PCDHGC4: variants seen among roughly 807,000 people sequenced by gnomAD.
PCDHGC4 encodes protocadherin gamma subfamily C, 4.
Under a neutral mutation model 59.7 loss-of-function variants are expected in PCDHGC4, and 15 were observed. The ratio of observed to expected loss-of-function variants is 0.25; its 90% CI spans 0.17 to 0.39. The LOEUF is 0.39. PCDHGC4 is among the 10% of genes least tolerant of loss of function. The pLI is 1.00. For synonymous variants in PCDHGC4, 434 were observed against 481.4 expected (o/e 0.90, Z 1.29); for missense variants, 1,016 against 1,189.5 (o/e 0.85, Z 2.15).
rs13436436 is a variant in PCDHGC4 at position 141,494,301 on chromosome 5, G to C, written c.2443-506G>C. Among the ~76,000 whole-genome samples, 1,119 of 152,302 alleles carry C rather than the reference G, an allele frequency of 7.3e-3. 11 individuals carry two copies. The highest frequency in any genetic ancestry group is 0.026 in the African/African-American group (1,077 of 41,560). Reference sequence around the variant, plus strand: ...CCAGAGAAGATGTCCCTGTGAATGTGTCACTGCACAACCTGGCACCAAAAG... The same window carrying C: ...CCAGAGAAGATGTCCCTGTGAATGTCTCACTGCACAACCTGGCACCAAAAG... On this transcript the variant is annotated intron_variant, in intron 1 of 3. Coordinates refer to ENST00000306593, the MANE Select transcript of PCDHGC4 (RefSeq NM_018928.3).
chr5:141,490,080 T>A lies in PCDHGC4; in HGVS notation c.2442+2465T>A, dbSNP rs2099695881. On this transcript the variant is annotated intron_variant, in intron 1 of 3. Coordinates refer to ENST00000306593, the MANE Select transcript of PCDHGC4 (RefSeq NM_018928.3). The surrounding 1 kb of genome is among the most constrained non-coding windows in gnomAD (Gnocchi z 5.4). ...GCACCAACGGCCAACTAGACTATTCTTTTGGAGACCACACATCTGAGGCAG... is the reference window on the plus strand; with the variant it reads ...GCACCAACGGCCAACTAGACTATTCATTTGGAGACCACACATCTGAGGCAG... The A allele has an allele frequency of 6.2e-7, 1 of 1,614,246 alleles. No homozygotes were observed. The highest frequency in any genetic ancestry group is 2.2e-5 in the East Asian group (1 of 44,884).
At position 141,485,800 on chromosome 5, in the gene PCDHGC4, C is replaced by T. The variant is rs1231777430; in HGVS notation, c.627C>T (p.Arg209=). The change falls in exon 1 of 4, where the codon CGC becomes CGT. Residue 209 remains arginine, a synonymous_variant. Coordinates refer to ENST00000306593, the MANE Select transcript of PCDHGC4 (RefSeq NM_018928.3). This position sits in a 1 kb window ranked among gnomAD's most constrained non-coding sequence, Gnocchi z 5.7. The part of the protein sequence containing the change: ...PLDREKQSDY[R]LVLTAVDGGN... The stretch of plus-strand genomic sequence containing the variant: ...ATCGAGAGAAGCAATCGGACTACCG[C>T]CTGGTGCTGACTGCTGTCGATGGAG... 1 of 1,614,228 alleles carries T rather than the reference C, an allele frequency of 6.2e-7. No homozygotes were observed. Among genetic ancestry groups the T allele is most frequent in the East Asian group, 2.2e-5 (1 of 44,878 alleles).
At chr5:141,508,604 A>G (rs2099870124) in intron 3 of PCDHGC4, among the ~76,000 whole-genome samples, 1 of 152,150 alleles carries the variant, frequency 6.6e-6, no homozygotes, top group African/African-American at 2.4e-5. Flanking sequence ...TCTTGGGTGC[A>G]CATAGGACGT....
At chr5:141,507,003 G>A (rs569257489) in intron 3 of PCDHGC4, 3 of 152,342 alleles carry the variant, frequency 2.0e-5, no homozygotes, top group African/African-American at 7.2e-5. Context: ...CGACAGATGA[G>A]AGAACCGAGA....
Position 141,491,244 on chromosome 5 carries a change from T to A in PCDHGC4, c.2443-3563T>A. 1 of 1,614,210 alleles carries A rather than the reference T, an allele frequency of 6.2e-7. No individual in the cohort carries two copies. Among genetic ancestry groups the A allele is most frequent in the Non-Finnish European group, 8.5e-7 (1 of 1,180,024 alleles). On this transcript the variant is annotated intron_variant, in intron 1 of 3. Coordinates refer to ENST00000306593, the MANE Select transcript of PCDHGC4 (RefSeq NM_018928.3). This position sits in a 1 kb window ranked among gnomAD's most constrained non-coding sequence, Gnocchi z 6.9. ...CCACAGTGCTGCTGGTTCTGGAGGA[T>A]GAGGACCCTGAGGAAATGCCCAAAT...
chr5:141,490,200 A>G lies in PCDHGC4; in HGVS notation c.2442+2585A>G. 6.2e-6 allele frequency: 10 copies of G among 1,614,198 alleles called. No homozygotes were observed. The highest frequency in any genetic ancestry group is 8.5e-6 in the Non-Finnish European group (10 of 1,180,032). ...AGTCACGTTTCTATGAAATTCATGC[A>G]AGAGCCCGTGACCAGGGACAGCCTG... On this transcript the variant is annotated intron_variant, in intron 1 of 3. Coordinates refer to ENST00000306593, the MANE Select transcript of PCDHGC4 (RefSeq NM_018928.3). The surrounding 1 kb of genome is among the most constrained non-coding windows in gnomAD (Gnocchi z 5.4).
rs761905572 is a variant in PCDHGC4 at position 141,486,493 on chromosome 5, T to A, written c.1320T>A (p.Thr440=). The A allele has an allele frequency of 2.5e-6, 4 of 1,614,136 alleles. No homozygotes were observed. The highest frequency in any genetic ancestry group is 1.7e-4 in the Middle Eastern group (1 of 6,060). The change falls in exon 1 of 4, where the codon ACT becomes ACA. Residue 440 remains threonine, a synonymous_variant. Transcript: ENST00000306593. This position sits in a 1 kb window ranked among gnomAD's most constrained non-coding sequence, Gnocchi z 5.0. ...ACCCTCCTCTCAGTACCCACAGAAC[T>A]ATTTTCCTCAATATTTCAGATGTGA... is the stretch of plus-strand genomic sequence containing the variant. ...AGNPPLSTHR[T]IFLNISDVND... is the part of the protein sequence containing the mutation.
In PCDHGC4 at chr5:141,489,493, G is replaced by C. The variant is rs1485293604; in HGVS notation, c.2442+1878G>C. 3 of 1,614,078 alleles carry C rather than the reference G, an allele frequency of 1.9e-6. No homozygotes were observed. The South Asian group carries it at 3.3e-5, about 18-fold the overall frequency. On this transcript the variant is annotated intron_variant, in intron 1 of 3. Coordinates refer to ENST00000306593, the MANE Select transcript of PCDHGC4 (RefSeq NM_018928.3). This position sits in a 1 kb window ranked among gnomAD's most constrained non-coding sequence, Gnocchi z 4.5. Reference sequence around the variant, plus strand: ...CCTGAGCTTGATGAGTGGTGCCCTGGCAGTGAATCAAAAGATTGACCGAGA... The same window carrying C: ...CCTGAGCTTGATGAGTGGTGCCCTGCCAGTGAATCAAAAGATTGACCGAGA...
chr5:141,485,387 C>T lies in PCDHGC4; in HGVS notation c.214C>T (p.Gln72Ter). The T allele has an allele frequency of 6.2e-7, 1 of 1,614,078 alleles. No homozygotes were observed. Among genetic ancestry groups the T allele is most frequent in the Non-Finnish European group, 8.5e-7 (1 of 1,179,994 alleles). The change falls in exon 1 of 4, where the codon CAA becomes TAA. Residue 72 changes from glutamine to a stop codon, truncating the protein, a stop_gained. Coordinates refer to ENST00000306593, the MANE Select transcript of PCDHGC4 (RefSeq NM_018928.3). LOFTEE classifies it high-confidence loss of function. This position sits in a 1 kb window ranked among gnomAD's most constrained non-coding sequence, Gnocchi z 5.7. ...RRLQVAGEVN[Q>*]RHFRVDLDSG... ...GCTGCAGGTCGCTGGAGAGGTGAAC[C>T]AAAGACACTTCCGTGTGGATTTGGA...
At chr5:141,497,203 G>C (rs750138875) in intron 2 of PCDHGC4, among the ~76,000 whole-genome samples, 3 of 91,718 alleles carry the variant, frequency 3.3e-5, no homozygotes, top group African/African-American at 2.8e-4. Flanking sequence ...AACAATGTGA[G>C]TGTAATGGGG....
At position 141,489,481 on chromosome 5, in the gene PCDHGC4, A is replaced by C; in HGVS notation, c.2442+1866A>C. 6.2e-7 allele frequency: 1 copy of C among 1,614,040 alleles called. No homozygotes were observed. The highest frequency in any genetic ancestry group is 8.5e-7 in the Non-Finnish European group (1 of 1,180,004). ...GCGCTATTTTTCCCTGAGCTTGATG[A>C]GTGGTGCCCTGGCAGTGAATCAAAA... is the stretch of plus-strand genomic sequence containing the variant. On this transcript the variant is annotated intron_variant, in intron 1 of 3. Transcript: ENST00000306593. The surrounding 1 kb of genome is among the most constrained non-coding windows in gnomAD (Gnocchi z 4.5).
At chr5:141,495,800 C>T (rs1351461035) in intron 2 of PCDHGC4, among the ~76,000 whole-genome samples, 5 of 152,134 alleles carry the variant, frequency 3.3e-5, no homozygotes, top group Non-Finnish European at 7.3e-5. Context: ...CTCCTTTCAC[C>T]GTTTCCTAGC....
Position 141,489,767 on chromosome 5 carries a change from G to T in PCDHGC4, c.2442+2152G>T, listed in dbSNP as rs2099691977. On this transcript the variant is annotated intron_variant, in intron 1 of 3. Transcript: ENST00000306593. This position sits in a 1 kb window ranked among gnomAD's most constrained non-coding sequence, Gnocchi z 4.5. ...AGCTTTTACACTCTAAGCCCCAACA[G>T]CCACTTCTCTCTGAATGTGAAGACC... The T allele has an allele frequency of 6.2e-7, 1 of 1,614,028 alleles. No homozygotes were observed. Among genetic ancestry groups the T allele is most frequent in the African/African-American group, 1.3e-5 (1 of 74,938 alleles).
intron 1 of PCDHGC4, among the ~76,000 whole-genome samples, chr5:141,494,113 C>G (rs2099751999): frequency 6.6e-6 from 1 of 152,214 alleles, no homozygotes; most frequent in Non-Finnish European, 1.5e-5. Flanking sequence ...TCAGACAGAG[C>G]AGCCTTGTTC....
chr5:141,487,006 G>A lies in PCDHGC4; in HGVS notation c.1833G>A (p.Leu611=). ...ATGCTTGGGTTTCCTATCAGCTCCT[G>A]GAGGCCCCAGATCCCAGCCTGTTTG... ...GYNAWVSYQL[L]EAPDPSLFAV... Residue 611 remains leucine (L), a synonymous_variant, in exon 1 of 4, where the codon CTG becomes CTA. Transcript: ENST00000306593. This position sits in a 1 kb window ranked among gnomAD's most constrained non-coding sequence, Gnocchi z 5.0. 1 of 1,614,206 alleles carries A rather than the reference G, an allele frequency of 6.2e-7. No homozygotes were observed. The highest frequency in any genetic ancestry group is 8.5e-7 in the Non-Finnish European group (1 of 1,180,042).
intron 2 of PCDHGC4, among the ~76,000 whole-genome samples, chr5:141,504,748 T>A (rs979724181): frequency 7.2e-5 from 11 of 151,880 alleles, no homozygotes; most frequent in Non-Finnish European, 1.3e-4. Context: ...CCATTGAATT[T>A]TAGAAATTTC....
chr5:141,506,017 C>G (rs2099850061), intron 3 of PCDHGC4, among the ~76,000 whole-genome samples: 1 of 152,176 alleles, frequency 6.6e-6, no homozygotes, highest in Non-Finnish European at 1.5e-5. Flanking sequence ...TTTGCTGCCC[C>G]TAACTCCAGA....
chr5:141,489,253 A>T lies in PCDHGC4; in HGVS notation c.2442+1638A>T. 1 of 1,547,506 alleles carries T rather than the reference A, an allele frequency of 6.5e-7. No individual in the cohort carries two copies. The highest frequency in any genetic ancestry group is 2.3e-5 in the East Asian group (1 of 44,418). ...GGACTTCTGGGTCATGGGGCCCAAG[A>T]CACTCCCACAGCTCGCTGGGAAATG... On this transcript the variant is annotated intron_variant, in intron 1 of 3. Coordinates refer to ENST00000306593, the MANE Select transcript of PCDHGC4 (RefSeq NM_018928.3). This position sits in a 1 kb window ranked among gnomAD's most constrained non-coding sequence, Gnocchi z 4.5.
Position 141,511,344 on chromosome 5 carries a change from T to G in PCDHGC4, c.*171T>G, listed in dbSNP as rs2099883730. 3 of 1,419,052 alleles carry G rather than the reference T, an allele frequency of 2.1e-6. No homozygotes were observed. Among genetic ancestry groups the G allele is most frequent in the Non-Finnish European group, 2.8e-6 (3 of 1,067,404 alleles). 87.9% of individuals were successfully genotyped at this position (1,419,052 alleles called of 1,614,324 possible). On this transcript the variant is annotated 3_prime_UTR_variant, in exon 4 of 4. Coordinates refer to ENST00000306593, the MANE Select transcript of PCDHGC4 (RefSeq NM_018928.3). The stretch of plus-strand genomic sequence containing the variant: ...CAAGTGCCCAGTCAGCACCTACCCC[T>G]TCCCCCCCAGGGGGTTGAATATGCA...
Sources: gnomAD v4.1 joint callset for allele counts (sites outside exome capture counted in the v4.1 genomes callset) on GRCh38, gnomAD v4.1.1 for gene constraint, Gnocchi (gnomAD v3.1) non-coding constraint, MANE v1.5 for transcripts, NCBI Gene and HGNC (gene_info 2026-07-23, HGNC 2026-07-21) for gene names.